The following CFAP92 variants were observed in gnomAD, a reference collection of about 807,000 sequenced individuals.
The protein encoded by CFAP92 is uncharacterized protein CFAP92.
A neutral mutation model predicts 106.3 loss-of-function variants in CFAP92; 86 were observed. The observed-to-expected ratio is 0.81, with a 90% CI of 0.68 to 0.97. CFAP92 has a LOEUF of 0.97. Among genes scored for constraint, CFAP92 ranks in the 50% least tolerant of loss-of-function variants. CFAP92 has a pLI of 0.00. For synonymous variants in CFAP92, 477 were observed against 506.4 expected, an observed-to-expected ratio of 0.94 and a Z score of 0.78; for missense variants, 1,204 against 1,283.8, an observed-to-expected ratio of 0.94 and a Z score of 0.95.
At chr3:128,991,686 C>T (rs1944225877) in intron 2 of CFAP92, 2 of 822,756 alleles carry the variant, frequency 2.4e-6, no homozygotes, top group South Asian at 8.0e-5. Context: ...AGGCCTCAGC[C>T]GGCCTGCACC....
chr3:128,925,426 C>T (rs980725528), intron 12 of CFAP92, among the ~76,000 whole-genome samples: 3 of 152,164 alleles, frequency 2.0e-5, no homozygotes, highest in Non-Finnish European at 4.4e-5. Context: ...AGGCCTCGAA[C>T]TGCTACTGTT....
chr3:128,940,373 G>C (rs1400646906), intron 10 of CFAP92, among the ~76,000 whole-genome samples: 1 of 152,110 alleles, frequency 6.6e-6, no homozygotes, highest in South Asian at 2.1e-4. Flanking sequence ...GGTCATATGG[G>C]AACTCTGTGT....
chr3:128,948,904 A>C (rs577807563), intron 9 of CFAP92, among the ~76,000 whole-genome samples: 1 of 152,326 alleles, frequency 6.6e-6, no homozygotes, highest in Admixed American at 6.5e-5. Context: ...AATGAGCAAA[A>C]ATTTGAGCAG....
intron 9 of CFAP92, among the ~76,000 whole-genome samples, chr3:128,963,642 T>C: frequency 6.6e-6 from 1 of 150,598 alleles, no homozygotes; most frequent in African/African-American, 2.5e-5. Context: ...TTCTTTCCTG[T>C]TCCTCACCCT....
the CFAP92 span, among the ~76,000 whole-genome samples, chr3:129,011,550 C>CAAAA: frequency 1.5e-4 from 14 of 93,530 alleles, no homozygotes; most frequent in Admixed American, 7.1e-4. Flanking sequence ...GACTCCGTCT[C>CAAAA]AAAAAAAAAA....
At chr3:129,002,423 G>T in intron 1 of CFAP92, 1 of 1,421,102 alleles carries the variant, frequency 7.0e-7, no homozygotes, top group Non-Finnish European at 9.1e-7. Context: ...GTCAGAGGAA[G>T]GGGAGACAGA....
upstream of CFAP92, among the ~76,000 whole-genome samples, chr3:129,006,233 T>A (rs984329138): frequency 6.6e-6 from 1 of 152,198 alleles, no homozygotes; most frequent in African/African-American, 2.4e-5. Context: ...CCTCCAGACC[T>A]TGCATCTGCT....
At position 128,948,794 on chromosome 3, in the gene CFAP92, T is replaced by G. The variant is rs1254865025; in HGVS notation, c.1354-2819A>C. ...ATCCGCCCGCCTTAGCCTCCCAAAGTGTTGGGATTACAGGCGTGAGCCACC... is the reference window on the plus strand; with the variant it reads ...ATCCGCCCGCCTTAGCCTCCCAAAGGGTTGGGATTACAGGCGTGAGCCACC... On this transcript the variant is annotated intron_variant, in intron 9 of 15. Transcript: ENST00000645291. Among the ~76,000 whole-genome samples, 6 of 152,076 alleles carry G rather than the reference T, an allele frequency of 3.9e-5. 2 individuals are homozygous for G. Among genetic ancestry groups the G allele is most frequent in the Admixed American group, 3.9e-4 (6 of 15,272 alleles).
chr3:129,010,877 G>A, the CFAP92 span, among the ~76,000 whole-genome samples: 1 of 152,222 alleles, frequency 6.6e-6, no homozygotes, highest in Non-Finnish European at 1.5e-5. The surrounding 1 kb of genome is among the most constrained non-coding windows in gnomAD (Gnocchi z 4.3). Context: ...AGGCCCTCAG[G>A]ATGCACAGGG....
chr3:128,918,023 G>C (rs546500433), intron 12 of CFAP92, among the ~76,000 whole-genome samples: 1 of 152,318 alleles, frequency 6.6e-6, no homozygotes, highest in South Asian at 2.1e-4. Context: ...TAGAGGAAAA[G>C]AGCAGGCCAC....
At chr3:128,937,084 T>C (rs748958594) in intron 10 of CFAP92, among the ~76,000 whole-genome samples, 1 of 150,584 alleles carries the variant, frequency 6.6e-6, no homozygotes, top group East Asian at 2.0e-4. Context: ...GCAGGTTGCT[T>C]GAGTCCAGGA....
chr3:128,942,094 A>G (rs813945), intron 10 of CFAP92, among the ~76,000 whole-genome samples: 62,494 of 152,032 alleles, frequency 0.41, 15,069 homozygotes, highest in African/African-American at 0.66. Context: ...TTCTGACGCC[A>G]ACTGCAAGTT....
At chr3:128,971,198 A>AGCAGGG in intron 8 of CFAP92, 89 bp downstream of exon 8, 1 of 1,597,894 alleles carries the variant, frequency 6.3e-7, no homozygotes, top group Non-Finnish European at 8.5e-7. Flanking sequence ...GGTGGCACGC[A>AGCAGGG]GCAGGGTTGT....
the CFAP92 span, among the ~76,000 whole-genome samples, chr3:129,014,906 G>A: frequency 2.0e-5 from 3 of 152,028 alleles, no homozygotes; most frequent in Non-Finnish European, 2.9e-5. This position sits in a 1 kb window ranked among gnomAD's most constrained non-coding sequence, Gnocchi z 4.3. Flanking sequence ...CTGTACACAC[G>A]GAGTCCTGCT....
At chr3:128,913,541 C>T (rs543608645) in intron 15 of CFAP92, among the ~76,000 whole-genome samples, 2 of 152,126 alleles carry the variant, frequency 1.3e-5, no homozygotes, top group African/African-American at 2.4e-5. Flanking sequence ...CTTGGGTGGT[C>T]TGGAGCTCTA....
chr3:128,940,352 T>C (rs1274737059), intron 10 of CFAP92, among the ~76,000 whole-genome samples: 1 of 152,026 alleles, frequency 6.6e-6, no homozygotes, highest in Non-Finnish European at 1.5e-5. Context: ...GATCTAGGAG[T>C]GATATTCCTG....
At chr3:128,997,183 G>A (rs1016852463), upstream of CFAP92, among the ~76,000 whole-genome samples, 4 of 152,162 alleles carry the variant, frequency 2.6e-5, no homozygotes, top group African/African-American at 4.8e-5. Context: ...GCCGGGTGGA[G>A]GGTTCCCAAG....
chr3:128,910,252 G>A lies in CFAP92; in HGVS notation c.*47C>T, dbSNP rs1355345816. The stretch of plus-strand genomic sequence containing the variant: ...GGAGGGTGTGGTCGGGTGTGGGGGA[G>A]GCTGTGCAGGTTCACCATGCGGTGG... On this transcript the variant is annotated 3_prime_UTR_variant, in exon 16 of 16. Coordinates refer to ENST00000645291, the MANE Select transcript of CFAP92 (RefSeq NM_001394090.1). The A allele has an allele frequency of 1.3e-6, 2 of 1,568,532 alleles. No homozygotes were observed. Among genetic ancestry groups the A allele is most frequent in the Admixed American group, 3.7e-5 (2 of 54,730 alleles).
intron 9 of CFAP92, among the ~76,000 whole-genome samples, chr3:128,956,018 A>C (rs1208705985): frequency 1.3e-4 from 11 of 81,662 alleles, no homozygotes; most frequent in African/African-American, 5.8e-4. Flanking sequence ...ATCTCAAGTA[A>C]TCAGGGACAC....
Sources: allele counts gnomAD v4.1 joint callset (sites outside exome capture counted in the v4.1 genomes callset), GRCh38; gene constraint gnomAD v4.1.1; non-coding constraint Gnocchi (gnomAD v3.1); transcripts MANE v1.5; gene names NCBI Gene and HGNC (gene_info 2026-07-23, HGNC 2026-07-21).